Variants in ZBTB7C observed in about 807,000 individuals in gnomAD.
The protein encoded by ZBTB7C is zinc finger and BTB domain-containing protein 7C.
In ZBTB7C, 8 loss-of-function variants were observed where a neutral mutation model predicts 25.7. The observed-to-expected ratio is 0.31, with a 90% CI of 0.18 to 0.56. ZBTB7C has a LOEUF of 0.56. Ranked by LOEUF, ZBTB7C falls within the 20% of genes least tolerant of loss-of-function variation. ZBTB7C has a pLI of 0.91. For missense variants in ZBTB7C, 824 were observed against 855.2 expected (o/e 0.96, Z 0.46); for synonymous variants, 394 against 369.0 (o/e 1.07, Z -0.78).
chr18:48,089,982 G>A (rs1425757495), intron 3 of ZBTB7C, among the ~76,000 whole-genome samples: 2 of 152,232 alleles, frequency 1.3e-5, no homozygotes, highest in Non-Finnish European at 2.9e-5. Flanking sequence ...TTCAGAACTG[G>A]GTGAAGGAGG....
At chr18:48,087,075 C>T (rs947753292) in intron 3 of ZBTB7C, among the ~76,000 whole-genome samples, 10 of 152,138 alleles carry the variant, frequency 6.6e-5, no homozygotes, top group African/African-American at 2.2e-4. Flanking sequence ...AGGTGATCTG[C>T]CCAGGATTGT....
chr18:48,050,426 T>A (rs1184990709), intron 3 of ZBTB7C, among the ~76,000 whole-genome samples: 1 of 152,148 alleles, frequency 6.6e-6, no homozygotes, highest in African/African-American at 2.4e-5. Flanking sequence ...GCGCCCACAC[T>A]GGGTAAAGCC....
intron 1 of ZBTB7C, among the ~76,000 whole-genome samples, chr18:48,338,913 G>GGC (rs2046524097): frequency 8.1e-6 from 1 of 123,460 alleles, no homozygotes; most frequent in East Asian, 2.1e-4. Flanking sequence ...TAGTTTGTTG[G>GGC]GGGGGGGGGG....
intron 3 of ZBTB7C, among the ~76,000 whole-genome samples, chr18:48,105,152 C>T (rs1009010639): frequency 9.2e-5 from 14 of 152,214 alleles, no homozygotes; most frequent in African/African-American, 3.1e-4. Context: ...AGACAAGCCA[C>T]CCCATGACCC....
rs180794268 is a variant in ZBTB7C at position 48,126,344 on chromosome 18, T to C, written c.-17+59590A>G. On this transcript the variant is annotated intron_variant, in intron 3 of 4. Transcript: ENST00000590800. ...CCTGTGTCTTTAATATACCCTCTGA[T>C]ACCCTGGGGCTTGAAGACAGCCCTG... Among the ~76,000 whole-genome samples the C allele has an allele frequency of 1.1e-3, 170 of 152,322 alleles. 1 individual carries two copies. The highest frequency in any genetic ancestry group is 2.3e-3 in the East Asian group (12 of 5,184).
chr18:48,285,133 T>A (rs1001456785), intron 2 of ZBTB7C, among the ~76,000 whole-genome samples: 1 of 152,238 alleles, frequency 6.6e-6, no homozygotes, highest in Non-Finnish European at 1.5e-5. Context: ...CAGGGTAATA[T>A]ATAGATCCAT....
chr18:48,065,652 T>C (rs891499714), intron 3 of ZBTB7C, among the ~76,000 whole-genome samples: 5 of 152,126 alleles, frequency 3.3e-5, no homozygotes, highest in African/African-American at 1.2e-4. Flanking sequence ...AAGCCACTGG[T>C]TGGGAAGCTG....
intron 3 of ZBTB7C, among the ~76,000 whole-genome samples, chr18:48,109,955 A>C (rs950002623): frequency 1.3e-5 from 2 of 152,154 alleles, no homozygotes; most frequent in African/African-American, 4.8e-5. Context: ...CCATGGGCCT[A>C]ACTAGCAGCA....
intron 3 of ZBTB7C, among the ~76,000 whole-genome samples, chr18:48,179,808 T>TTCCTTCC (rs2041832956): frequency 9.8e-6 from 1 of 101,904 alleles, no homozygotes; most frequent in Non-Finnish European, 2.1e-5. Flanking sequence ...TCCTTCCTTA[T>TTCCTTCC]TTCCTTCCTT....
chr18:48,368,375 TGATA>T (rs1373095570), intron 1 of ZBTB7C, among the ~76,000 whole-genome samples: 1 of 151,688 alleles, frequency 6.6e-6, no homozygotes, highest in African/African-American at 2.4e-5. Flanking sequence ...AATCAGTAAC[TGATA>T]GATAGAAAAA....
intron 1 of ZBTB7C, among the ~76,000 whole-genome samples, chr18:48,343,807 C>T (rs1446470294): frequency 6.6e-6 from 1 of 152,072 alleles, no homozygotes; most frequent in Non-Finnish European, 1.5e-5. Context: ...CTCTCCCAAC[C>T]TCTCTAAACT....
At chr18:48,277,153 A>G (rs2044684445) in intron 2 of ZBTB7C, among the ~76,000 whole-genome samples, 2 of 141,578 alleles carry the variant, frequency 1.4e-5, no homozygotes, top group Non-Finnish European at 3.0e-5. Context: ...AATGGGATCT[A>G]ATTAAACTAA....
At chr18:48,378,677 G>A (rs1004874987) in intron 1 of ZBTB7C, among the ~76,000 whole-genome samples, 1 of 151,932 alleles carries the variant, frequency 6.6e-6, no homozygotes. Flanking sequence ...AACAGAGACT[G>A]CAGGAAGAAA....
intron 4 of ZBTB7C, among the ~76,000 whole-genome samples, chr18:48,031,210 T>C (rs2035734327): frequency 6.6e-6 from 1 of 152,114 alleles, no homozygotes; most frequent in Non-Finnish European, 1.5e-5. Flanking sequence ...CAGCTCTCAT[T>C]TTCAAAATGG....
At chr18:48,044,423 C>T (rs910453681) in intron 3 of ZBTB7C, among the ~76,000 whole-genome samples, 9 of 152,246 alleles carry the variant, frequency 5.9e-5, no homozygotes, top group African/African-American at 1.4e-4. Flanking sequence ...CCCAAGGGAA[C>T]GCAGAGGGCT....
At position 48,151,028 on chromosome 18, in the gene ZBTB7C, C is replaced by T. The variant is rs374396721; in HGVS notation, c.-17+34906G>A. 3.3e-5 allele frequency among the ~76,000 whole-genome samples: 5 copies of T among 152,310 alleles called. No individual in the cohort carries two copies. In the South Asian group the frequency reaches 6.2e-4, roughly 19 times the overall value. ...CTCCAAATCTGCATTTTTCACAGAT[C>T]TCTAAGGATGCATGCTGCCGATATG... On this transcript the variant is annotated intron_variant, in intron 3 of 4. Coordinates refer to ENST00000590800, the MANE Select transcript of ZBTB7C (RefSeq NM_001318841.2).
intron 3 of ZBTB7C, among the ~76,000 whole-genome samples, chr18:48,063,681 G>A (rs2037210184): frequency 6.6e-6 from 1 of 152,218 alleles, no homozygotes; most frequent in African/African-American, 2.4e-5. Flanking sequence ...AGTGGTCTAG[G>A]TTTTCAACAG....
At chr18:48,374,242 A>C (rs2047462422) in intron 1 of ZBTB7C, 1 of 152,232 alleles carries the variant, frequency 6.6e-6, no homozygotes, top group Non-Finnish European at 1.5e-5. Flanking sequence ...AGTTCCTAGA[A>C]GCCATCAGAG....
At chr18:48,103,096 T>G (rs1384771523) in intron 3 of ZBTB7C, among the ~76,000 whole-genome samples, 1 of 75,622 alleles carries the variant, frequency 1.3e-5, no homozygotes, top group African/African-American at 6.5e-5. Context: ...ATCTTATATA[T>G]ATTATATATT....
Sources: allele counts gnomAD v4.1 joint callset (sites outside exome capture counted in the v4.1 genomes callset), GRCh38; gene constraint gnomAD v4.1.1; transcripts MANE v1.5; gene names NCBI Gene and HGNC (gene_info 2026-07-23, HGNC 2026-07-21).